The following CDHR5 variants were observed in gnomAD, a reference collection of about 807,000 sequenced individuals.
CDHR5 encodes cadherin related family member 5.
A neutral mutation model predicts 69.5 loss-of-function variants in CDHR5; 82 were observed. That is an observed-to-expected ratio of 1.18 (90% CI 0.99 to 1.42). The LOEUF (loss-of-function observed/expected upper bound fraction) is 1.42, where lower values mean the gene tolerates loss of function less well. Among genes scored for constraint, CDHR5 ranks in the 40% most tolerant of loss-of-function variants. The pLI is 0.00. For missense variants in CDHR5, 1,293 were observed against 1,168.9 expected, an observed-to-expected ratio of 1.11 and a Z score of -1.55; for synonymous variants, 601 against 510.2, an observed-to-expected ratio of 1.18 and a Z score of -2.40.
intron 3 of CDHR5, among the ~76,000 whole-genome samples, chr11:622,436 T>G (rs1819947571): frequency 6.6e-6 from 1 of 151,940 alleles, no homozygotes; most frequent in South Asian, 2.1e-4. Context: ...TTTTTTTTTT[T>G]TTGGTTTTTG....
At chr11:620,261 G>T in intron 8 of CDHR5, 35 bp downstream of exon 8, 6 of 1,588,850 alleles carry the variant, frequency 3.8e-6, no homozygotes, top group Non-Finnish European at 5.2e-6. Flanking sequence ...GACAGAGGGG[G>T]TACAGGGCAT....
At position 624,112 on chromosome 11, in the gene CDHR5, C is replaced by T; in HGVS notation, c.312+101G>A. The stretch of plus-strand genomic sequence containing the variant: ...ACCCTCGGGGGGGTGGAATTTGAAA[C>T]CACACCCTAGCTGACGTCATCAAAG... On this transcript the variant is annotated intron_variant, in intron 3 of 14. Coordinates refer to ENST00000397542, the MANE Select transcript of CDHR5 (RefSeq NM_021924.5). The surrounding 1 kb of genome is among the most constrained non-coding windows in gnomAD (Gnocchi z 5.3). 1.5e-6 allele frequency: 1 copy of T among 679,746 alleles called. No individual in the cohort carries two copies. The highest frequency in any genetic ancestry group is 1.6e-5 in the South Asian group (1 of 62,116). 42.1% of individuals were successfully genotyped at this position (679,746 alleles called of 1,614,324 possible).
In CDHR5 at chr11:624,785, G is replaced by A. The variant is rs202047244; in HGVS notation, c.85+33C>T. On this transcript the variant is annotated intron_variant, in intron 1 of 14. Coordinates refer to ENST00000397542, the MANE Select transcript of CDHR5 (RefSeq NM_021924.5). This position sits in a 1 kb window ranked among gnomAD's most constrained non-coding sequence, Gnocchi z 5.3. Reference sequence around the variant, plus strand: ...GCCTCCCAGCCCCTGGCTCCCCGCCGCCCGTGCCCCACCTACCCCTGCCCG... The same window carrying A: ...GCCTCCCAGCCCCTGGCTCCCCGCCACCCGTGCCCCACCTACCCCTGCCCG... The A allele has an allele frequency of 1.9e-5, 31 of 1,604,528 alleles. No homozygotes were observed. In the African/African-American group the frequency reaches 2.1e-4, roughly 11 times the overall value.
At chr11:620,214 C>T (rs754498673) in intron 8 of CDHR5, 50 bp from the exon 9 acceptor site, 1 of 1,590,472 alleles carries the variant, frequency 6.3e-7, no homozygotes. Context: ...GGCCCAGGGA[C>T]CCAGCCAGCT....
rs1856945543 is a variant in CDHR5, at chr11:617,051, T to G, written c.*300A>C. 11 of 440,762 alleles carry G rather than the reference T, an allele frequency of 2.5e-5. No homozygotes were observed. In the South Asian group the frequency reaches 3.9e-4, roughly 16 times the overall value. The allele number at this position is 440,762 out of a possible 1,614,324, so 27.3% of individuals were successfully genotyped here. A position where few individuals can be genotyped will look rare whatever the true frequency, so the allele number is the denominator to read the frequency against. On this transcript the variant is annotated 3_prime_UTR_variant, in exon 15 of 15. Transcript: ENST00000397542. Reference sequence around the variant, plus strand: ...GCTGTGGTTAGAGCGGGAGAGGAACTTCCCAGACTAGCTGGCACAGAGCCT... The same window carrying G: ...GCTGTGGTTAGAGCGGGAGAGGAACGTCCCAGACTAGCTGGCACAGAGCCT...
Position 621,510 on chromosome 11 carries a change from G to A in CDHR5, c.507+52C>T. The A allele has an allele frequency of 2.5e-6, 4 of 1,591,452 alleles. No homozygotes were observed. The highest frequency in any genetic ancestry group is 2.2e-5 in the East Asian group (1 of 44,750). On this transcript the variant is annotated intron_variant, in intron 5 of 14. Coordinates refer to ENST00000397542, the MANE Select transcript of CDHR5 (RefSeq NM_021924.5). The surrounding 1 kb of genome is among the most constrained non-coding windows in gnomAD (Gnocchi z 4.4). Reference sequence around the variant, plus strand: ...AGAGCCTTGGAGGGCGAGGGCGGCTGTGGGTGTCAGAGGCGAGGGGCTCGT... The same window carrying A: ...AGAGCCTTGGAGGGCGAGGGCGGCTATGGGTGTCAGAGGCGAGGGGCTCGT...
chr11:617,480 C>T lies in CDHR5; in HGVS notation c.2409G>A (p.Val803=). The change falls in exon 15 of 15, where the codon GTG becomes GTA. Residue 803 remains valine (V), a synonymous_variant. Coordinates refer to ENST00000397542, the MANE Select transcript of CDHR5 (RefSeq NM_021924.5). ...CCAGGGTGGGCGCGTTGAGAACGAC[C>T]ACGTCTGCCTCCGTCCCGATGTCCT... ...FGEDIGTEAD[V]VVLNAPTLDV... is the part of the protein sequence containing the mutation. 2 of 1,612,726 alleles carry T rather than the reference C, an allele frequency of 1.2e-6. No homozygotes were observed. The highest frequency in any genetic ancestry group is 1.6e-4 in the Middle Eastern group (1 of 6,062).
intron 3 of CDHR5, among the ~76,000 whole-genome samples, chr11:623,497 A>T (rs983944745): frequency 6.6e-6 from 1 of 151,928 alleles, no homozygotes; most frequent in Non-Finnish European, 1.5e-5. Flanking sequence ...ATGTTGGGGG[A>T]GCGGGGCTGG....
Position 617,661 on chromosome 11 carries a change from A to G in CDHR5, c.2228T>C (p.Met743Thr), listed in dbSNP as rs1387166396. ...THDPKPAEAP[M>T]PAEPAPPGPA... ...GCCGGGGGGTGCGGGCTCTGCGGGC[A>G]TCGGTGCCTCCGCGGGCTTGGGGTC... The change falls in exon 15 of 15, where the codon ATG (methionine) becomes ACG (threonine). Residue 743 changes from methionine to threonine, a missense_variant. By Grantham distance (81) the Met-to-Thr change is moderately conservative. Coordinates refer to ENST00000397542, the MANE Select transcript of CDHR5 (RefSeq NM_021924.5). The G allele has an allele frequency of 1.3e-6, 2 of 1,518,450 alleles. No individual in the cohort carries two copies. The highest frequency in any genetic ancestry group is 1.4e-5 in the African/African-American group (1 of 71,808). The allele number at this position is 1,518,450 out of a possible 1,614,324, so 94.1% of individuals were successfully genotyped here.
Position 617,367 on chromosome 11 carries a change from T to TCAC in CDHR5, c.2519_2521dup (p.Gly840dup). ...AGGGGCCACTTAGATGTAGGAGTCA[T>TCAC]CACCACCGGGCGCATCGTAGGGACC... On this transcript the variant is annotated inframe_insertion, in exon 15 of 15. Transcript: ENST00000397542. 1.2e-6 allele frequency: 2 copies of TCAC among 1,606,136 alleles called. No individual in the cohort carries two copies. Among genetic ancestry groups the TCAC allele is most frequent in the Non-Finnish European group, 1.7e-6 (2 of 1,175,596 alleles).
chr11:624,698 C>T lies in CDHR5; in HGVS notation c.120G>A (p.Glu40=). 2 of 1,611,878 alleles carry T rather than the reference C, an allele frequency of 1.2e-6. No individual in the cohort carries two copies. Among genetic ancestry groups the T allele is most frequent in the East Asian group, 2.2e-5 (1 of 44,842 alleles). ...CSVNKDIFEV[E]ENTNVTEPLV... ...GCGGCTCGGTGACATTTGTGTTCTC[C>T]TCTACTTCAAAGATGTCCTTGTTCA... Residue 40 remains glutamate (E), a synonymous_variant, in exon 2 of 15, where the codon GAG becomes GAA. Coordinates refer to ENST00000397542, the MANE Select transcript of CDHR5 (RefSeq NM_021924.5). The surrounding 1 kb of genome is among the most constrained non-coding windows in gnomAD (Gnocchi z 5.3).
intron 13 of CDHR5, among the ~76,000 whole-genome samples, 172 bp downstream of exon 13, chr11:618,427 A>G (rs553494145): frequency 6.6e-6 from 1 of 152,312 alleles, no homozygotes; most frequent in South Asian, 2.1e-4. Context: ...CACACATCAC[A>G]GGTTACCTCA....
chr11:618,875 G>A lies in CDHR5; in HGVS notation c.1684C>T (p.Gln562Ter). 6.2e-7 allele frequency: 1 copy of A among 1,610,210 alleles called. No homozygotes were observed. The highest frequency in any genetic ancestry group is 1.1e-5 in the South Asian group (1 of 90,850). Reference sequence around the variant, plus strand: ...GTGCCCCCACTGGGTGTGGCTGGTTGGTGGGAGGTGCTGGTTCCCACACCG... The same window carrying A: ...GTGCCCCCACTGGGTGTGGCTGGTTAGTGGGAGGTGCTGGTTCCCACACCG... ...PPGVGTSTSH[Q>*]PATPSGGTAQ... Residue 562 changes from glutamine (Q) to a stop codon, truncating the protein, a stop_gained, in exon 13 of 15, where the codon CAA becomes TAA. Transcript: ENST00000397542. LOFTEE classifies it high-confidence loss of function.
rs759265669 is a variant in CDHR5, at chr11:621,917, G to A, written c.313-13C>T. On this transcript the variant is annotated splice_polypyrimidine_tract_variant and intron_variant, in intron 3 of 14. Transcript: ENST00000397542. This position sits in a 1 kb window ranked among gnomAD's most constrained non-coding sequence, Gnocchi z 4.4. ...TTAGCTGGGTCACCTGCAGGATGTG[G>A]CCGTCAGCCTCTCCCACAGCCCCTC... The A allele has an allele frequency of 1.2e-6, 2 of 1,604,138 alleles. No homozygotes were observed. Among genetic ancestry groups the A allele is most frequent in the South Asian group, 1.1e-5 (1 of 90,460 alleles).
At position 621,937 on chromosome 11, in the gene CDHR5, C is replaced by A; in HGVS notation, c.313-33G>T. 6.4e-7 allele frequency: 1 copy of A among 1,561,764 alleles called. No individual in the cohort carries two copies. On this transcript the variant is annotated intron_variant, in intron 3 of 14. Coordinates refer to ENST00000397542, the MANE Select transcript of CDHR5 (RefSeq NM_021924.5). This position sits in a 1 kb window ranked among gnomAD's most constrained non-coding sequence, Gnocchi z 4.4. Reference sequence around the variant, plus strand: ...ATGTGGCCGTCAGCCTCTCCCACAGCCCCTCCCCGTTGTGAGGTGCACCCC... The same window carrying A: ...ATGTGGCCGTCAGCCTCTCCCACAGACCCTCCCCGTTGTGAGGTGCACCCC...
rs749956459 is a variant in CDHR5 at position 621,396 on chromosome 11, C to G, written c.567G>C (p.Arg189=). 1.2e-6 allele frequency: 2 copies of G among 1,612,972 alleles called. No homozygotes were observed. Among genetic ancestry groups the G allele is most frequent in the East Asian group, 4.5e-5 (2 of 44,878 alleles). Residue 189 remains arginine (R), a synonymous_variant, in exon 6 of 15, where the codon CGG becomes CGC. Transcript: ENST00000397542. This position sits in a 1 kb window ranked among gnomAD's most constrained non-coding sequence, Gnocchi z 4.4. ...SVNRPALRLD[R]PLDFYERPNM... is the part of the protein sequence containing the mutation. ...TCGGCCGCTCGTAGAAGTCCAGGGGCCGGTCCAGCCTCAGGGCGGGACGGT... is the reference window on the plus strand; with the variant it reads ...TCGGCCGCTCGTAGAAGTCCAGGGGGCGGTCCAGCCTCAGGGCGGGACGGT...
chr11:620,480 T>C lies in CDHR5; in HGVS notation c.790-94A>G, dbSNP rs533451355. 8.2e-6 allele frequency: 7 copies of C among 857,058 alleles called. 1 individual carries two copies. Among genetic ancestry groups the C allele is most frequent in the Middle Eastern group, 6.6e-4 (2 of 3,018 alleles). 53.1% of individuals were successfully genotyped at this position (857,058 alleles called of 1,614,324 possible). On this transcript the variant is annotated intron_variant, in intron 7 of 14. Coordinates refer to ENST00000397542, the MANE Select transcript of CDHR5 (RefSeq NM_021924.5). ...ACTCCCCATCAAGGGCAGGGTTGGC[T>C]GAGGAGGGGCCCAGTCCCGCTGGTG...
Position 619,303 on chromosome 11 carries a change from T to TACCTGTGGAGGGGGGCTC in CDHR5, c.1363_1378+2dup. 2 of 1,591,306 alleles carry TACCTGTGGAGGGGGGCTC rather than the reference T, an allele frequency of 1.3e-6. No homozygotes were observed. Among genetic ancestry groups the TACCTGTGGAGGGGGGCTC allele is most frequent in the Non-Finnish European group, 1.7e-6 (2 of 1,162,100 alleles). ...GGGGGCTCACCTGTGGAGGGGGGCT[T>TACCTGTGGAGGGGGGCTC]ACCTGTGGAGGGGGGCTCCTGTTCG... is the stretch of plus-strand genomic sequence containing the variant. On this transcript the variant is annotated splice_region_variant and intron_variant, in intron 12 of 14. Transcript: ENST00000397542.
Position 617,538 on chromosome 11 carries a change from GGCC to G in CDHR5, c.2348_2350del (p.Arg783del). On this transcript the variant is annotated inframe_deletion, in exon 15 of 15. Coordinates refer to ENST00000397542, the MANE Select transcript of CDHR5 (RefSeq NM_021924.5). The stretch of plus-strand genomic sequence containing the variant: ...CCAGACAGCCTTGTACCCGCCCTCC[GGCC>G]GCCGCTCCTTGGTCAGGATGGACCT... The G allele has an allele frequency of 6.2e-7, 1 of 1,612,276 alleles. No individual in the cohort carries two copies. Among genetic ancestry groups the G allele is most frequent in the Non-Finnish European group, 8.5e-7 (1 of 1,179,620 alleles).
Sources: gnomAD v4.1 joint callset for allele counts (sites outside exome capture counted in the v4.1 genomes callset) on GRCh38, gnomAD v4.1.1 for gene constraint, Gnocchi (gnomAD v3.1) non-coding constraint, MANE v1.5 for transcripts, NCBI Gene and HGNC (gene_info 2026-07-23, HGNC 2026-07-21) for gene names.